Variants in ZNF469 observed in about 807,000 individuals in gnomAD.
The protein encoded by ZNF469 is zinc finger protein 469.
ZNF469 carries 1 observed loss-of-function variant against 1.0 expected under a neutral mutation model. That is an observed-to-expected ratio of 1.00 (90% CI 0.35 to 4.73). The LOEUF (loss-of-function observed/expected upper bound fraction) is 4.73. Among genes scored for constraint, ZNF469 ranks in the 30% most tolerant of loss-of-function variants. The pLI is 0.16. For synonymous variants in ZNF469, 2,703 were observed against 2,363.4 expected, an observed-to-expected ratio of 1.14 and a Z score of -4.17; for missense variants, 6,100 against 5,356.3, an observed-to-expected ratio of 1.14 and a Z score of -4.33.
the ZNF469 span, among the ~76,000 whole-genome samples, chr16:88,308,163 C>T: frequency 6.6e-6 from 1 of 152,336 alleles, no homozygotes; most frequent in Middle Eastern, 3.4e-3. Context: ...GGGTTTATTT[C>T]CAGCCCTCAT....
Position 88,427,613 on chromosome 16 carries a change from C to T in ZNF469, c.143C>T (p.Ala48Val). Residue 48 changes from alanine to valine, a missense_variant, in exon 3 of 3, where the codon GCC becomes GTC. Physicochemically the swap from Ala to Val is moderately conservative, Grantham distance 64. Transcript: ENST00000565624. Reference protein sequence around the residue: ...NTPATRTTKGAREAGGQAQAM... With the variant: ...NTPATRTTKGVREAGGQAQAM... ...CCAGCTACCAGGACCACCAAGGGTG[C>T]CAGGGAGGCTGGCGGCCAGGCCCAG... 1 of 1,537,342 alleles carries T rather than the reference C, an allele frequency of 6.5e-7. No homozygotes were observed. The highest frequency in any genetic ancestry group is 8.7e-7 in the Non-Finnish European group (1 of 1,146,508).
intron 1 of ZNF469, among the ~76,000 whole-genome samples, chr16:88,389,204 C>T (rs1344548718): frequency 2.0e-5 from 3 of 152,266 alleles, no homozygotes; most frequent in Non-Finnish European, 4.4e-5. Flanking sequence ...GGCAGCCGCT[C>T]CTTCCTGCCT....
At chr16:88,394,012 C>T (rs1904575809) in intron 1 of ZNF469, among the ~76,000 whole-genome samples, 1 of 151,870 alleles carries the variant, frequency 6.6e-6, no homozygotes, top group Non-Finnish European at 1.5e-5. Flanking sequence ...CGGGGTTTGA[C>T]ACGTCTACAC....
chr16:88,368,876 C>T, the ZNF469 span, among the ~76,000 whole-genome samples: 1 of 152,066 alleles, frequency 6.6e-6, no homozygotes, highest in Non-Finnish European at 1.5e-5. Context: ...GTCAGGAGTT[C>T]GAGACCAGCC....
the ZNF469 span, among the ~76,000 whole-genome samples, chr16:88,229,624 G>A: frequency 2.0e-5 from 3 of 150,086 alleles, no homozygotes; most frequent in Non-Finnish European, 3.0e-5. Flanking sequence ...GATGTCACGC[G>A]TGTGGATGTC....
At chr16:88,416,195 C>T (rs1336800747) in intron 1 of ZNF469, among the ~76,000 whole-genome samples, 1 of 152,174 alleles carries the variant, frequency 6.6e-6, no homozygotes, top group African/African-American at 2.4e-5. Flanking sequence ...ACCAGGTGAC[C>T]CCCATGTAGG....
At chr16:88,293,383 A>T in the ZNF469 span, among the ~76,000 whole-genome samples, 1 of 151,480 alleles carries the variant, frequency 6.6e-6, no homozygotes, top group East Asian at 1.9e-4. Context: ...ATGAATGGAT[A>T]GTTAGGTGGA....
chr16:88,133,137 C>T, the ZNF469 span, among the ~76,000 whole-genome samples: 1 of 152,248 alleles, frequency 6.6e-6, no homozygotes, highest in Non-Finnish European at 1.5e-5. Context: ...CACCCACCAG[C>T]TGTGCTGCAG....
At chr16:88,312,325 G>A in the ZNF469 span, among the ~76,000 whole-genome samples, 1 of 152,250 alleles carries the variant, frequency 6.6e-6, no homozygotes, top group East Asian at 1.9e-4. Context: ...CTGTTCTCAT[G>A]TGGTTATAGG....
At chr16:88,223,585 A>T in the ZNF469 span, among the ~76,000 whole-genome samples, 1 of 152,152 alleles carries the variant, frequency 6.6e-6, no homozygotes, top group Admixed American at 6.5e-5. Context: ...CCGAGTGAAG[A>T]ACTCTGAGGA....
chr16:88,132,759 C>T, the ZNF469 span, among the ~76,000 whole-genome samples: 1 of 152,218 alleles, frequency 6.6e-6, no homozygotes, highest in African/African-American at 2.4e-5. Flanking sequence ...TGTCCTGGGG[C>T]AGTGGCCCTC....
In ZNF469 at chr16:88,424,837, G is replaced by A. The variant is rs1905630318; in HGVS notation, c.-161G>A. ...AAATTCTCATTCCTCAGGAAGTTGT[G>A]CGGCGACCCAGCTGAGGGGCCCCCG... On this transcript the variant is annotated 5_prime_UTR_variant, in exon 2 of 3. Coordinates refer to ENST00000565624, the MANE Select transcript of ZNF469 (RefSeq NM_001367624.2). The surrounding 1 kb of genome is among the most constrained non-coding windows in gnomAD (Gnocchi z 4.3). Among the ~76,000 whole-genome samples the A allele has an allele frequency of 6.6e-6, 1 of 152,160 alleles. No homozygotes were observed. Among genetic ancestry groups the A allele is most frequent in the Non-Finnish European group, 1.5e-5 (1 of 68,020 alleles).
chr16:88,193,147 G>GTGGTGATGATGGTGATGGTGGTGA, the ZNF469 span, among the ~76,000 whole-genome samples: 1 of 18,902 alleles, frequency 5.3e-5, no homozygotes. Context: ...GGTGATGGTG[G>GTGGTGATGATGGTGATGGTGGTGA]TGGGGATGGT....
At chr16:88,309,576 C>T in the ZNF469 span, among the ~76,000 whole-genome samples, 33 of 150,402 alleles carry the variant, frequency 2.2e-4, no homozygotes, top group South Asian at 3.3e-3. Context: ...GGTCCCCTCT[C>T]GGTGTTCAGG....
At chr16:88,288,699 A>G in the ZNF469 span, among the ~76,000 whole-genome samples, 405 of 152,360 alleles carry the variant, frequency 2.7e-3, 2 homozygotes, top group Admixed American at 6.2e-3. Flanking sequence ...ATAGATGGAA[A>G]GATTGAGACC....
chr16:88,208,781 A>G, the ZNF469 span, among the ~76,000 whole-genome samples: 12 of 32,284 alleles, frequency 3.7e-4, no homozygotes, highest in African/African-American at 7.0e-4. Flanking sequence ...GTGCGCGCGC[A>G]CACACACACA....
chr16:88,381,611 C>T (rs1334138021), upstream of ZNF469, among the ~76,000 whole-genome samples: 2 of 152,248 alleles, frequency 1.3e-5, no homozygotes, highest in Admixed American at 6.5e-5. Context: ...CTTAGTTCTT[C>T]CCCATTTTCC....
chr16:88,284,197 C>T, the ZNF469 span, among the ~76,000 whole-genome samples: 2 of 151,456 alleles, frequency 1.3e-5, no homozygotes, highest in Admixed American at 1.3e-4. Context: ...TCAGCGGAGG[C>T]TGGTAGACCC....
At chr16:88,153,539 C>T in the ZNF469 span, among the ~76,000 whole-genome samples, 1 of 152,238 alleles carries the variant, frequency 6.6e-6, no homozygotes, top group Non-Finnish European at 1.5e-5. Flanking sequence ...TGAGGTTGAC[C>T]TTTGCTTATG....
Sources: gnomAD v4.1 joint callset for allele counts (sites outside exome capture counted in the v4.1 genomes callset) on GRCh38, gnomAD v4.1.1 for gene constraint, Gnocchi (gnomAD v3.1) non-coding constraint, MANE v1.5 for transcripts, NCBI Gene and HGNC (gene_info 2026-07-23, HGNC 2026-07-21) for gene names.